MAD1L1: variants seen among roughly 807,000 people sequenced by gnomAD.
MAD1L1 encodes mitotic arrest deficient 1 like 1.
Under a neutral mutation model 96.9 loss-of-function variants are expected in MAD1L1, and 95 were observed. That is an observed-to-expected ratio of 0.98 (90% CI 0.83 to 1.16). The LOEUF (loss-of-function observed/expected upper bound fraction) is 1.16, where lower values mean the gene tolerates loss of function less well. MAD1L1 is among the 50% of genes most tolerant of loss of function. The pLI, the probability that MAD1L1 is intolerant of heterozygous loss-of-function variation, is 0.00. For synonymous variants in MAD1L1, 473 were observed against 396.6 expected (o/e 1.19, Z -2.29); for missense variants, 1,007 against 954.4 (o/e 1.06, Z -0.73).
At chr7:1,856,166 C>T (rs75640164) in intron 18 of MAD1L1, among the ~76,000 whole-genome samples, 1 of 152,302 alleles carries the variant, frequency 6.6e-6, no homozygotes, top group Admixed American at 6.5e-5. Context: ...GGCAAGGCCC[C>T]GCGCCCTCCT....
chr7:1,826,657 C>T (rs1414916849), intron 18 of MAD1L1, among the ~76,000 whole-genome samples: 1 of 152,254 alleles, frequency 6.6e-6, no homozygotes. Context: ...GCGTGAGCAC[C>T]GCGCTGAGGG....
At chr7:2,163,281 G>C (rs1394263842) in intron 10 of MAD1L1, among the ~76,000 whole-genome samples, 1 of 152,198 alleles carries the variant, frequency 6.6e-6, no homozygotes, top group Non-Finnish European at 1.5e-5. Context: ...TGTGGGTTGG[G>C]GGCGTAATGG....
chr7:2,187,613 A>G (rs1360512798), intron 10 of MAD1L1, among the ~76,000 whole-genome samples: 18 of 152,172 alleles, frequency 1.2e-4, no homozygotes, highest in Non-Finnish European at 1.5e-4. Flanking sequence ...GAACTACAGG[A>G]GTACTGGGCC....
intron 10 of MAD1L1, among the ~76,000 whole-genome samples, chr7:2,183,813 T>G (rs1438393993): frequency 4.6e-5 from 7 of 151,826 alleles, no homozygotes; most frequent in African/African-American, 1.2e-4. Context: ...AATGACGAGT[T>G]AATCGGTGCA....
chr7:1,976,437 A>G (rs1453864957), intron 15 of MAD1L1, among the ~76,000 whole-genome samples: 1 of 152,044 alleles, frequency 6.6e-6, no homozygotes. Flanking sequence ...GCACGTCTGG[A>G]GTTGTTCGTT....
chr7:1,951,081 T>G (rs1215394502), intron 16 of MAD1L1, among the ~76,000 whole-genome samples: 1 of 152,256 alleles, frequency 6.6e-6, no homozygotes, highest in African/African-American at 2.4e-5. Context: ...CCCGGGAGGC[T>G]GCTCCCCTGG....
intron 18 of MAD1L1, among the ~76,000 whole-genome samples, chr7:1,842,783 G>A (rs1783346896): frequency 6.6e-6 from 1 of 152,258 alleles, no homozygotes; most frequent in Admixed American, 6.5e-5. Flanking sequence ...TCCTGGAGGG[G>A]AGGGTGGGCA....
chr7:2,177,535 A>G (rs1562756668), intron 10 of MAD1L1, among the ~76,000 whole-genome samples: 1 of 152,214 alleles, frequency 6.6e-6, no homozygotes. Context: ...AGGCTGAATT[A>G]TTATCCTTAG....
intron 12 of MAD1L1, among the ~76,000 whole-genome samples, chr7:2,065,206 C>T (rs979358315): frequency 6.6e-6 from 1 of 152,226 alleles, no homozygotes; most frequent in African/African-American, 2.4e-5. Context: ...ACAGCAGCAG[C>T]CCCCGCCTTC....
intron 14 of MAD1L1, among the ~76,000 whole-genome samples, chr7:1,995,815 G>C (rs1017453818): frequency 2.6e-5 from 4 of 152,058 alleles, no homozygotes; most frequent in African/African-American, 9.7e-5. Flanking sequence ...ACAGAACCCC[G>C]GTGCCAGCAG....
At chr7:1,860,625 G>T (rs922304724) in intron 18 of MAD1L1, among the ~76,000 whole-genome samples, 1 of 152,194 alleles carries the variant, frequency 6.6e-6, no homozygotes, top group South Asian at 2.1e-4. Flanking sequence ...GCTCTGCCTG[G>T]GGGCTCCCTT....
chr7:1,948,739 C>T lies in MAD1L1; in HGVS notation c.1596+8890G>A, dbSNP rs192253850. ...ACGGCATGTGAGAGTCTCCACTGGT[C>T]AGCGGGGCGGGGACAGCATCCCCTT... On this transcript the variant is annotated intron_variant, in intron 16 of 18. Coordinates refer to ENST00000265854, the MANE Select transcript of MAD1L1 (RefSeq NM_001013836.2). 7.2e-4 allele frequency among the ~76,000 whole-genome samples: 110 copies of T among 152,250 alleles called. 3 individuals carry two copies. In the East Asian group the frequency reaches 0.013, roughly 17 times the overall value.
At chr7:1,986,781 T>G (rs1215731651) in intron 14 of MAD1L1, among the ~76,000 whole-genome samples, 1 of 152,230 alleles carries the variant, frequency 6.6e-6, no homozygotes, top group African/African-American at 2.4e-5. Context: ...GGGGAAATGC[T>G]GACGTGTGCC....
intron 12 of MAD1L1, among the ~76,000 whole-genome samples, chr7:2,042,587 G>A (rs1350056842): frequency 1.3e-5 from 2 of 152,202 alleles, no homozygotes; most frequent in Non-Finnish European, 2.9e-5. Context: ...GGGGCCTGGT[G>A]GGAGGTGTTG....
intron 11 of MAD1L1, among the ~76,000 whole-genome samples, chr7:2,128,106 C>T (rs1021485254): frequency 6.6e-6 from 1 of 152,216 alleles, no homozygotes; most frequent in African/African-American, 2.4e-5. Context: ...CCGGCCTCAT[C>T]CCCTGTTGAG....
chr7:1,873,129 C>T (rs1275790510), intron 18 of MAD1L1, among the ~76,000 whole-genome samples: 1 of 152,170 alleles, frequency 6.6e-6, no homozygotes, highest in Non-Finnish European at 1.5e-5. Flanking sequence ...GGCTGGTGGG[C>T]CCGGTTCCAA....
intron 14 of MAD1L1, among the ~76,000 whole-genome samples, chr7:1,990,515 G>A (rs189784186): frequency 1.4e-3 from 208 of 152,360 alleles, no homozygotes; most frequent in Non-Finnish European, 2.5e-3. Context: ...ACATTTCCTC[G>A]TGAGCACAGA....
intron 12 of MAD1L1, among the ~76,000 whole-genome samples, chr7:2,055,633 G>A (rs996735464): frequency 6.9e-6 from 1 of 143,942 alleles, no homozygotes; most frequent in East Asian, 2.0e-4. Flanking sequence ...CCACACTACT[G>A]TACTCCAGCC....
intron 13 of MAD1L1, among the ~76,000 whole-genome samples, chr7:2,006,123 C>T (rs1782019399): frequency 6.6e-6 from 1 of 152,066 alleles, no homozygotes; most frequent in Non-Finnish European, 1.5e-5. Context: ...CCACCTCTCA[C>T]TCATAACCTG....
Sources: allele counts gnomAD v4.1 joint callset (sites outside exome capture counted in the v4.1 genomes callset), GRCh38; gene constraint gnomAD v4.1.1; transcripts MANE v1.5; gene names NCBI Gene and HGNC (gene_info 2026-07-23, HGNC 2026-07-21).